PCED1B: variants seen among roughly 807,000 people sequenced by gnomAD.
PCED1B encodes the protein PC-esterase domain-containing protein 1B.
For missense variants in PCED1B, 573 were observed against 573.9 expected (o/e 1.00, Z 0.02); for synonymous variants, 251 against 246.1 (o/e 1.02, Z -0.19).
intron 2 of PCED1B, among the ~76,000 whole-genome samples, chr12:47,114,605 C>G (rs1401144143): frequency 6.6e-6 from 1 of 152,174 alleles, no homozygotes; most frequent in East Asian, 1.9e-4. Flanking sequence ...GCTGCCTCCC[C>G]ACTACTTCTG....
intron 1 of PCED1B, among the ~76,000 whole-genome samples, chr12:47,090,913 A>G (rs1164680451): frequency 1.4e-5 from 2 of 139,066 alleles, no homozygotes; most frequent in African/African-American, 3.3e-5. Context: ...TGGAACAACC[A>G]TTTGTTCCAA....
intron 2 of PCED1B, among the ~76,000 whole-genome samples, chr12:47,112,834 A>G (rs564145243): frequency 6.6e-6 from 1 of 152,292 alleles, no homozygotes; most frequent in African/African-American, 2.4e-5. Flanking sequence ...TCCTTCAGCT[A>G]AGAGACTAAA....
rs142476595 is a variant in PCED1B, at chr12:47,134,761, G to A, written c.-526+30566G>A. On this transcript the variant is annotated intron_variant, in intron 2 of 3. Coordinates refer to ENST00000546455, the MANE Select transcript of PCED1B (RefSeq NM_138371.3). Reference sequence around the variant, plus strand: ...CGGGCGCCTGTAGTCCCAGCTACTCGGGAAGCTGAGGCAGGAGAATTGCTT... The same window carrying A: ...CGGGCGCCTGTAGTCCCAGCTACTCAGGAAGCTGAGGCAGGAGAATTGCTT... Among the ~76,000 whole-genome samples, 1,177 of 152,266 alleles carry A rather than the reference G, an allele frequency of 7.7e-3. 16 individuals are homozygous for A. Among genetic ancestry groups the A allele is most frequent in the East Asian group, 0.044 (225 of 5,170 alleles).
Position 47,084,761 on chromosome 12 carries a change from TA to T in PCED1B, c.-609+5040del, listed in dbSNP as rs780955534. ...CCAGAGTCTTGAATTATAAAAGTAT[TA>T]AAACTCTGTGTGATTGCAGAAACCT... On this transcript the variant is annotated intron_variant, in intron 1 of 3. Transcript: ENST00000546455. Among the ~76,000 whole-genome samples, 27 of 152,322 alleles carry T rather than the reference TA, an allele frequency of 1.8e-4. 1 individual carries two copies. In the South Asian group the frequency reaches 3.1e-3, roughly 18 times the overall value.
chr12:47,175,754 T>C (rs1941903239), intron 2 of PCED1B, among the ~76,000 whole-genome samples: 1 of 151,928 alleles, frequency 6.6e-6, no homozygotes, highest in Admixed American at 6.6e-5. Context: ...TGTATATTAG[T>C]AGAGATAGGG....
intron 1 of PCED1B, among the ~76,000 whole-genome samples, chr12:47,098,170 A>G (rs1938556229): frequency 1.3e-5 from 2 of 152,086 alleles, no homozygotes; most frequent in Admixed American, 6.6e-5. Flanking sequence ...TCCCCACTCC[A>G]TGTCTGCCTT....
At chr12:47,225,986 A>G (rs937902399) in intron 3 of PCED1B, among the ~76,000 whole-genome samples, 1 of 152,244 alleles carries the variant, frequency 6.6e-6, no homozygotes, top group African/African-American at 2.4e-5. Flanking sequence ...ATAGTCAATG[A>G]GTTGTAATTC....
At chr12:47,161,311 A>G (rs1412440023) in intron 2 of PCED1B, among the ~76,000 whole-genome samples, 2 of 152,238 alleles carry the variant, frequency 1.3e-5, no homozygotes, top group East Asian at 3.8e-4. Context: ...CTTTTCTAGC[A>G]CAATTTGTTA....
intron 3 of PCED1B, among the ~76,000 whole-genome samples, chr12:47,234,057 A>T (rs1226247821): frequency 6.6e-6 from 1 of 152,108 alleles, no homozygotes; most frequent in East Asian, 1.9e-4. Flanking sequence ...GCGCGATCTC[A>T]GCTCACTGGC....
At chr12:47,144,586 A>C (rs552445843) in intron 2 of PCED1B, among the ~76,000 whole-genome samples, 1 of 152,180 alleles carries the variant, frequency 6.6e-6, no homozygotes, top group Non-Finnish European at 1.5e-5. Context: ...TTTTGTCATC[A>C]TCTGAATATC....
At chr12:47,151,929 C>T (rs980764865) in intron 2 of PCED1B, among the ~76,000 whole-genome samples, 4 of 152,140 alleles carry the variant, frequency 2.6e-5, no homozygotes, top group Non-Finnish European at 4.4e-5. Context: ...TCTGGGCACC[C>T]TGTGGCCCAG....
At chr12:47,223,189 G>T (rs1022330070) in intron 3 of PCED1B, among the ~76,000 whole-genome samples, 1 of 152,144 alleles carries the variant, frequency 6.6e-6, no homozygotes, top group Non-Finnish European at 1.5e-5. Context: ...ACTAGGGAAA[G>T]ACAGGATACA....
chr12:47,089,461 C>CATGTGTAT (rs1233280547), intron 1 of PCED1B, among the ~76,000 whole-genome samples: 3 of 63,396 alleles, frequency 4.7e-5, no homozygotes, highest in Non-Finnish European at 8.7e-5. Context: ...AAAAAAAATA[C>CATGTGTAT]ATATATATAT....
chr12:47,176,266 A>G (rs1465031600), intron 2 of PCED1B, among the ~76,000 whole-genome samples: 2 of 152,144 alleles, frequency 1.3e-5, no homozygotes, highest in Non-Finnish European at 2.9e-5. Context: ...TGCTAGGTGC[A>G]TCTTTGTTTC....
intron 2 of PCED1B, chr12:47,135,568 T>C (rs1940321696): frequency 1.9e-6 from 1 of 514,690 alleles, no homozygotes; most frequent in East Asian, 5.3e-5. Context: ...GGCCCAGATG[T>C]TCAGGCACTT....
chr12:47,164,774 A>G lies in PCED1B; in HGVS notation c.-525-51448A>G, dbSNP rs143272124. 3.1e-3 allele frequency among the ~76,000 whole-genome samples: 479 copies of G among 152,340 alleles called. 3 individuals are homozygous for G. Among genetic ancestry groups the G allele is most frequent in the African/African-American group, 8.9e-3 (370 of 41,588 alleles). ...CACCTCCATCACTCCGGCATTTTGC[A>G]TGCCTGCAGAATTAATGCCATGTGG... On this transcript the variant is annotated intron_variant, in intron 2 of 3. Transcript: ENST00000546455.
At chr12:47,166,834 A>G (rs1001357910) in intron 2 of PCED1B, among the ~76,000 whole-genome samples, 1 of 152,226 alleles carries the variant, frequency 6.6e-6, no homozygotes, top group East Asian at 1.9e-4. Context: ...CTTGGAGTCC[A>G]TGAATCAAAC....
intron 2 of PCED1B, among the ~76,000 whole-genome samples, chr12:47,193,502 C>T (rs1031498557): frequency 4.6e-5 from 7 of 152,256 alleles, no homozygotes; most frequent in Admixed American, 6.5e-5. Context: ...TGCCTTCACT[C>T]GCCTGGATTA....
chr12:47,203,720 G>T (rs907203109), intron 2 of PCED1B, among the ~76,000 whole-genome samples: 3 of 152,146 alleles, frequency 2.0e-5, no homozygotes, highest in African/African-American at 7.2e-5. Context: ...TTACTGATGG[G>T]CATTTAGGTT....
Sources: gnomAD v4.1 joint callset for allele counts (sites outside exome capture counted in the v4.1 genomes callset) on GRCh38, gnomAD v4.1.1 for gene constraint, MANE v1.5 for transcripts, NCBI Gene and HGNC (gene_info 2026-07-23, HGNC 2026-07-21) for gene names.